The following SPG11 variants were observed in gnomAD, a reference collection of about 807,000 sequenced individuals.
SPG11 encodes the protein spatacsin.
SPG11 carries 222 observed loss-of-function variants against 274.0 expected under a neutral mutation model. That is an observed-to-expected ratio of 0.81 (90% CI 0.73 to 0.91). SPG11 has a LOEUF of 0.91. SPG11 is among the 40% of genes least tolerant of loss of function. The pLI, the probability that SPG11 is intolerant of heterozygous loss-of-function variation, is 0.00. For synonymous variants in SPG11, 1,144 were observed against 1,039.7 expected, an observed-to-expected ratio of 1.10 and a Z score of -1.93; for missense variants, 3,114 against 2,872.7, an observed-to-expected ratio of 1.08 and a Z score of -1.92.
chr15:44,564,470 G>A lies in SPG11; in HGVS notation c.7151+77C>T, dbSNP rs111351275. Reference sequence around the variant, plus strand: ...GTAATCTAAAGGCATGGTGTACTTAGCCATAAAATTCTTACACTTGTCTCA... The same window carrying A: ...GTAATCTAAAGGCATGGTGTACTTAACCATAAAATTCTTACACTTGTCTCA... On this transcript the variant is annotated intron_variant, in intron 39 of 39. Coordinates refer to ENST00000261866, the MANE Select transcript of SPG11 (RefSeq NM_025137.4). The A allele has an allele frequency of 4.2e-6, 6 of 1,440,466 alleles. No individual in the cohort carries two copies. In the African/African-American group the frequency reaches 5.6e-5, roughly 13 times the overall value. 89.2% of individuals were successfully genotyped at this position (1,440,466 alleles called of 1,614,324 possible).
In SPG11 at chr15:44,584,253, G is replaced by A; in HGVS notation, c.5427C>T (p.His1809=). 1 of 1,614,190 alleles carries A rather than the reference G, an allele frequency of 6.2e-7. No individual in the cohort carries two copies. Reference sequence around the variant, plus strand: ...TTTCCTCCTGATTTCTTCCAAGAGTGTGCTGGGTGATGCGGCACAGCCAGA... The same window carrying A: ...TTTCCTCCTGATTTCTTCCAAGAGTATGCTGGGTGATGCGGCACAGCCAGA... ...KQIWLCRITQ[H]TLGRNQEETE... The change falls in exon 30 of 40, where the codon CAC becomes CAT. Residue 1809 remains histidine (H), a synonymous_variant. Coordinates refer to ENST00000261866, the MANE Select transcript of SPG11 (RefSeq NM_025137.4).
intron 31 of SPG11, 180 bp from the exon 32 acceptor site, chr15:44,573,925 A>G: frequency 1.6e-6 from 1 of 632,824 alleles, no homozygotes; most frequent in Non-Finnish European, 2.8e-6. Context: ...TCATTTCACC[A>G]AAGCCAAATC....
At chr15:44,602,941 A>G (rs1388209716) in intron 20 of SPG11, among the ~76,000 whole-genome samples, 1 of 152,156 alleles carries the variant, frequency 6.6e-6, no homozygotes, top group Non-Finnish European at 1.5e-5. Context: ...CTGCAAAAGG[A>G]GCTTTTAAAT....
At position 44,610,827 on chromosome 15, in the gene SPG11, G is replaced by C. The variant is rs1419522247; in HGVS notation, c.3291+13C>G. 9.9e-6 allele frequency: 16 copies of C among 1,612,644 alleles called. No homozygotes were observed. Among genetic ancestry groups the C allele is most frequent in the Non-Finnish European group, 1.4e-5 (16 of 1,178,934 alleles). Reference sequence around the variant, plus strand: ...AAAATCAGTCCTATTTTGTCATAAAGTGCTATCCATACCTGACTGACACCC... The same window carrying C: ...AAAATCAGTCCTATTTTGTCATAAACTGCTATCCATACCTGACTGACACCC... On this transcript the variant is annotated intron_variant, in intron 18 of 39. Transcript: ENST00000261866.
At chr15:44,646,133 T>TATAA (rs1157816710) in intron 7 of SPG11, among the ~76,000 whole-genome samples, 1 of 152,238 alleles carries the variant, frequency 6.6e-6, no homozygotes, top group East Asian at 1.9e-4. Flanking sequence ...TTATTGGGTA[T>TATAA]ATAACCAAAG....
intron 5 of SPG11, 68 bp downstream of exon 5, chr15:44,652,061 G>T: frequency 1.3e-6 from 2 of 1,588,370 alleles, no homozygotes; most frequent in South Asian, 2.3e-5. Flanking sequence ...GACCTTTAAT[G>T]AAAGGGTACA....
intron 1 of SPG11, among the ~76,000 whole-genome samples, chr15:44,662,263 G>A (rs965134071): frequency 6.6e-6 from 1 of 152,054 alleles, no homozygotes; most frequent in Middle Eastern, 3.4e-3. Flanking sequence ...TGTATCAAAT[G>A]AATCTCTAAA....
chr15:44,598,688 A>G lies in SPG11; in HGVS notation c.3835T>C (p.Leu1279=). The change falls in exon 22 of 40, where the codon TTG becomes CTG. Residue 1279 remains leucine, a synonymous_variant. Coordinates refer to ENST00000261866, the MANE Select transcript of SPG11 (RefSeq NM_025137.4). ...TCTTCATTTCTGCACTTGTAGCTCAAAATTATATTGGCCACTTTCATATCA... is the reference window on the plus strand; with the variant it reads ...TCTTCATTTCTGCACTTGTAGCTCAGAATTATATTGGCCACTTTCATATCA... ...RVDMKVANII[L]SYKCRNEDAQ... 1.2e-6 allele frequency: 2 copies of G among 1,614,192 alleles called. No individual in the cohort carries two copies. The highest frequency in any genetic ancestry group is 2.2e-5 in the South Asian group (2 of 91,082).
intron 4 of SPG11, among the ~76,000 whole-genome samples, chr15:44,656,132 A>T (rs77394662): frequency 0.015 from 2,274 of 152,244 alleles, 61 homozygotes; most frequent in East Asian, 0.1. Context: ...GGGAATAAAG[A>T]GATTAATGGA....
intron 34 of SPG11, 108 bp from the exon 35 acceptor site, chr15:44,569,613 G>A (rs991058158): frequency 6.1e-6 from 5 of 820,280 alleles, no homozygotes; most frequent in African/African-American, 3.4e-5. Flanking sequence ...TCCAGGAGGA[G>A]AAGGGCTAAT....
At chr15:44,587,819 A>G (rs780162856) in intron 28 of SPG11, among the ~76,000 whole-genome samples, 2 of 152,046 alleles carry the variant, frequency 1.3e-5, no homozygotes, top group Non-Finnish European at 2.9e-5. Flanking sequence ...TATTATAGTC[A>G]TGTTTAACAA....
intron 7 of SPG11, among the ~76,000 whole-genome samples, chr15:44,643,191 C>T (rs2084504994): frequency 6.6e-6 from 1 of 152,168 alleles, no homozygotes; most frequent in Admixed American, 6.6e-5. Context: ...GTGCTACCAC[C>T]TATGCCCATG....
In SPG11 at chr15:44,563,034, TA is replaced by T; in HGVS notation, c.*86del. On this transcript the variant is annotated 3_prime_UTR_variant, in exon 40 of 40. Transcript: ENST00000261866. Reference sequence around the variant, plus strand: ...GTACAGTACCGGGATTGTTCAACTTTAGCAAAGATCTCCAATGCATTCTTCT... The same window carrying T: ...GTACAGTACCGGGATTGTTCAACTTTGCAAAGATCTCCAATGCATTCTTCT... The T allele has an allele frequency of 8.7e-6, 12 of 1,385,498 alleles. No homozygotes were observed. The highest frequency in any genetic ancestry group is 1.2e-5 in the Non-Finnish European group (12 of 979,982). 85.8% of individuals were successfully genotyped at this position (1,385,498 alleles called of 1,614,324 possible).
chr15:44,626,369 T>C lies in SPG11; in HGVS notation c.2206A>G (p.Asn736Asp), dbSNP rs775711520. The change falls in exon 11 of 40, where the codon AAC becomes GAC. Residue 736 changes from asparagine (N) to aspartate (D), a missense_variant. Transcript: ENST00000261866. ...LNLVFDNLKK[N>D]NIKEASELLK... is the part of the protein sequence containing the mutation. The stretch of plus-strand genomic sequence containing the variant: ...AGTTCAGAGGCTTCCTTTATATTGT[T>C]CTTTTTTAAATTGTCAAAGACCAAA... 3 of 1,613,462 alleles carry C rather than the reference T, an allele frequency of 1.9e-6. No individual in the cohort carries two copies. The South Asian group carries it at 3.3e-5, about 18-fold the overall frequency.
chr15:44,605,610 G>A (rs1003570115), intron 20 of SPG11, among the ~76,000 whole-genome samples: 1 of 152,126 alleles, frequency 6.6e-6, no homozygotes, highest in African/African-American at 2.4e-5. Context: ...TAATGTGTTC[G>A]GTGGTCACTG....
intron 30 of SPG11, among the ~76,000 whole-genome samples, chr15:44,582,772 C>A (rs1208777497): frequency 4.6e-5 from 7 of 150,808 alleles, no homozygotes; most frequent in East Asian, 1.9e-4. Flanking sequence ...AAAAAAAAAA[C>A]CACATGATCA....
chr15:44,586,593 G>C (rs542460300), intron 28 of SPG11, among the ~76,000 whole-genome samples: 1 of 152,192 alleles, frequency 6.6e-6, no homozygotes, highest in Non-Finnish European at 1.5e-5. Flanking sequence ...GAAGTGAGCC[G>C]AGATGGTGCC....
chr15:44,580,441 CAG>C (rs1470842801), intron 30 of SPG11, among the ~76,000 whole-genome samples: 2 of 152,098 alleles, frequency 1.3e-5, no homozygotes, highest in Non-Finnish European at 2.9e-5. Flanking sequence ...AATTCAGTAA[CAG>C]AAATTATCCA....
rs781530855 is a variant in SPG11, at chr15:44,584,370, C to T, written c.5310G>A (p.Glu1770=). 1 of 1,612,394 alleles carries T rather than the reference C, an allele frequency of 6.2e-7. No homozygotes were observed. The highest frequency in any genetic ancestry group is 1.7e-5 in the Admixed American group (1 of 59,866). ...CEHPTGWSSM[E]ERHLLLTLAG... ...CCAAGGTGAGCAGCAGATGGCGCTCCTCCATGCTGCTCCATCCAGTTGGGT... is the reference window on the plus strand; with the variant it reads ...CCAAGGTGAGCAGCAGATGGCGCTCTTCCATGCTGCTCCATCCAGTTGGGT... The change falls in exon 30 of 40, where the codon GAG becomes GAA. Residue 1770 remains glutamate (E), a synonymous_variant. Coordinates refer to ENST00000261866, the MANE Select transcript of SPG11 (RefSeq NM_025137.4).
Sources: allele counts gnomAD v4.1 joint callset (sites outside exome capture counted in the v4.1 genomes callset), GRCh38; gene constraint gnomAD v4.1.1; transcripts MANE v1.5; gene names NCBI Gene and HGNC (gene_info 2026-07-23, HGNC 2026-07-21).